Variants in GABRB3 observed in about 807,000 individuals in gnomAD.
The protein encoded by GABRB3 is gamma-aminobutyric acid receptor subunit beta-3.
A neutral mutation model predicts 52.1 loss-of-function variants in GABRB3; 14 were observed. The observed-to-expected ratio is 0.27, with a 90% confidence interval of 0.18 to 0.42. GABRB3 has a LOEUF of 0.42. Ranked by LOEUF, GABRB3 falls within the 10% of genes least tolerant of loss-of-function variation. The pLI, the probability that GABRB3 is intolerant of heterozygous loss-of-function variation, is 1.00. For synonymous variants in GABRB3, 260 were observed against 232.3 expected (o/e 1.12, Z -1.08); for missense variants, 307 against 609.1 (o/e 0.50, Z 5.22).
intron 4 of GABRB3, chr15:26,613,724 G>A (rs767277872): frequency 1.1e-4 from 16 of 152,142 alleles, no homozygotes; most frequent in Non-Finnish European, 2.2e-4. Flanking sequence ...GATGGGAATA[G>A]TGAGTCAATA....
intron 6 of GABRB3, among the ~76,000 whole-genome samples, chr15:26,579,686 C>T (rs1457053798): frequency 6.6e-6 from 1 of 152,208 alleles, no homozygotes; most frequent in African/African-American, 2.4e-5. Flanking sequence ...CAGCACTGCA[C>T]ACTGCAAAAT....
intron 3 of GABRB3, among the ~76,000 whole-genome samples, chr15:26,665,497 A>G (rs1173541596): frequency 6.6e-6 from 1 of 152,266 alleles, no homozygotes; most frequent in Non-Finnish European, 1.5e-5. Context: ...AATGACAGTA[A>G]TAATAGCAAA....
chr15:26,648,113 C>A (rs1887071776), intron 3 of GABRB3, among the ~76,000 whole-genome samples: 1 of 152,298 alleles, frequency 6.6e-6, no homozygotes, highest in South Asian at 2.1e-4. Context: ...ATCACCCCAA[C>A]TGGAACTCTG....
intron 3 of GABRB3, among the ~76,000 whole-genome samples, chr15:26,686,780 G>A (rs78828318): frequency 0.079 from 12,058 of 152,270 alleles, 874 homozygotes; most frequent in East Asian, 0.46. Context: ...CACCCGGCGT[G>A]GGATGCCATC....
At chr15:26,773,527 G>C, upstream of GABRB3, 1 of 651,160 alleles carries the variant, frequency 1.5e-6, no homozygotes, top group South Asian at 2.9e-5. Flanking sequence ...CCCGCACGAC[G>C]ACCACCGCCC....
intron 3 of GABRB3, among the ~76,000 whole-genome samples, chr15:26,743,265 T>C (rs967864308): frequency 1.3e-5 from 2 of 152,086 alleles, no homozygotes; most frequent in African/African-American, 4.8e-5. Flanking sequence ...ACACATGAAA[T>C]AGACAATACT....
intron 3 of GABRB3, among the ~76,000 whole-genome samples, chr15:26,678,828 G>C (rs949887706): frequency 1.4e-4 from 22 of 152,196 alleles, no homozygotes; most frequent in African/African-American, 5.1e-4. Flanking sequence ...TGTCCCAGAT[G>C]AAAGTGTACC....
At chr15:26,742,924 CTTTTTTTT>C (rs779891729) in intron 3 of GABRB3, among the ~76,000 whole-genome samples, 21 of 48,832 alleles carry the variant, frequency 4.3e-4, no homozygotes, top group African/African-American at 9.2e-4. Flanking sequence ...ATTAGAGATT[CTTTTTTTT>C]TTTTTTTTTT....
chr15:26,713,741 CT>C lies in GABRB3; in HGVS notation c.240+58660del, dbSNP rs1231129827. On this transcript the variant is annotated intron_variant, in intron 3 of 8. Transcript: ENST00000311550. ...CATGCTCCCCGTTTCCATCTGGGCACTGGTTGCATGAGCTTATGTGCAAGTG... is the reference window on the plus strand; with the variant it reads ...CATGCTCCCCGTTTCCATCTGGGCACGGTTGCATGAGCTTATGTGCAAGTG... Among the ~76,000 whole-genome samples, 3 of 152,334 alleles carry C rather than the reference CT, an allele frequency of 2.0e-5. No individual in the cohort carries two copies. In the East Asian group the frequency reaches 5.8e-4, roughly 29 times the overall value.
chr15:26,575,175 G>C (rs752711996), intron 6 of GABRB3, among the ~76,000 whole-genome samples: 1 of 152,190 alleles, frequency 6.6e-6, no homozygotes, highest in Non-Finnish European at 1.5e-5. Context: ...TTGCAAAAAA[G>C]ATTTAAGGCA....
chr15:26,660,048 G>T (rs541064176), intron 3 of GABRB3, among the ~76,000 whole-genome samples: 3 of 151,974 alleles, frequency 2.0e-5, no homozygotes, highest in Non-Finnish European at 4.4e-5. Flanking sequence ...CGGCCAACAC[G>T]GTGAAACTCG....
At position 26,545,654 on chromosome 15, in the gene GABRB3, T is replaced by C. The variant is rs1054120369; in HGVS notation, c.*2139A>G. On this transcript the variant is annotated 3_prime_UTR_variant, in exon 9 of 9. Transcript: ENST00000311550. ...TTGAAAGGGATAAGGTCTTTGCAAATGTATTTTTTTTCTTTAACATGATAA... is the reference window on the plus strand; with the variant it reads ...TTGAAAGGGATAAGGTCTTTGCAAACGTATTTTTTTTCTTTAACATGATAA... The C allele has an allele frequency of 2.0e-5, 3 of 152,348 alleles. No homozygotes were observed. Among genetic ancestry groups the C allele is most frequent in the Admixed American group, 6.6e-5 (1 of 15,256 alleles). 9.4% of individuals were successfully genotyped at this position (152,348 alleles called of 1,614,324 possible). A position where few individuals can be genotyped will look rare whatever the true frequency, so the allele number is the denominator to read the frequency against.
chr15:26,772,074 G>T (rs963504730), intron 3 of GABRB3: 16 of 281,746 alleles, frequency 5.7e-5, no homozygotes, highest in Non-Finnish European at 8.4e-5. Context: ...GCGAGACAGC[G>T]CTCGGGAAAC....
chr15:26,610,421 C>T (rs900137569), intron 4 of GABRB3, among the ~76,000 whole-genome samples: 19 of 152,042 alleles, frequency 1.2e-4, no homozygotes, highest in Admixed American at 5.2e-4. Flanking sequence ...ATTTTGGTTC[C>T]GTGATCATAA....
At chr15:26,667,002 T>A (rs1001521487) in intron 3 of GABRB3, among the ~76,000 whole-genome samples, 2 of 141,422 alleles carry the variant, frequency 1.4e-5, no homozygotes, top group African/African-American at 5.2e-5. Context: ...CAAGAACTGG[T>A]GCCCACCCCC....
chr15:26,605,967 G>A lies in GABRB3; in HGVS notation c.461+15347C>T, dbSNP rs571881234. On this transcript the variant is annotated intron_variant, in intron 4 of 8. Coordinates refer to ENST00000311550, the MANE Select transcript of GABRB3 (RefSeq NM_000814.6). ...CGGAAGTCGAATACGAAGGAGGCAC[G>A]TCTTACATGGTCAGAACATGGGGAA... 2.5e-4 allele frequency among the ~76,000 whole-genome samples: 38 copies of A among 152,196 alleles called. No individual in the cohort carries two copies. The South Asian group carries it at 7.3e-3, about 29-fold the overall frequency.
At chr15:26,730,815 C>T (rs940202663) in intron 3 of GABRB3, among the ~76,000 whole-genome samples, 5 of 152,212 alleles carry the variant, frequency 3.3e-5, no homozygotes, top group Non-Finnish European at 5.9e-5. Context: ...AATCCAAATA[C>T]ACTTCAGTTT....
chr15:26,683,486 AATGCTTTAAAAGGT>A (rs1888303618), intron 3 of GABRB3, among the ~76,000 whole-genome samples: 1 of 152,160 alleles, frequency 6.6e-6, no homozygotes, highest in Non-Finnish European at 1.5e-5. Flanking sequence ...ATATAAGGTA[AATGCTTTAAAAGGT>A]TGGTGAATGA....
intron 4 of GABRB3, among the ~76,000 whole-genome samples, chr15:26,600,374 G>A (rs1378382426): frequency 6.6e-6 from 1 of 151,696 alleles, no homozygotes; most frequent in African/African-American, 2.4e-5. Flanking sequence ...GATACAGAAG[G>A]AAATACAGAA....
Sources: gnomAD v4.1 joint callset for allele counts (sites outside exome capture counted in the v4.1 genomes callset) on GRCh38, gnomAD v4.1.1 for gene constraint, MANE v1.5 for transcripts, NCBI Gene and HGNC (gene_info 2026-07-23, HGNC 2026-07-21) for gene names.